SH3GL2: variants seen among roughly 807,000 people sequenced by gnomAD.
SH3GL2 encodes endophilin-A1.
A neutral mutation model predicts 46.0 loss-of-function variants in SH3GL2; 24 were observed. The observed-to-expected ratio is 0.52, with a 90% CI of 0.38 to 0.73. The LOEUF (loss-of-function observed/expected upper bound fraction) is 0.73, where lower values mean the gene tolerates loss of function less well. Ranked by LOEUF, SH3GL2 falls within the 30% of genes least tolerant of loss-of-function variation. The pLI, the probability that SH3GL2 is intolerant of heterozygous loss-of-function variation, is 0.00. For synonymous variants in SH3GL2, 196 were observed against 147.1 expected (o/e 1.33, Z -2.40); for missense variants, 413 against 424.2 (o/e 0.97, Z 0.23).
intron 1 of SH3GL2, among the ~76,000 whole-genome samples, chr9:17,699,436 A>C (rs899184358): frequency 6.6e-6 from 1 of 152,128 alleles, no homozygotes; most frequent in African/African-American, 2.4e-5. Flanking sequence ...CTCCAGGGAT[A>C]TTCTCTCCTG....
chr9:17,731,629 A>C (rs1473274643), intron 1 of SH3GL2, among the ~76,000 whole-genome samples: 1 of 152,158 alleles, frequency 6.6e-6, no homozygotes, highest in African/African-American at 2.4e-5. Flanking sequence ...AACCACAAGA[A>C]GGTAAAATTC....
intron 1 of SH3GL2, among the ~76,000 whole-genome samples, chr9:17,702,703 C>T (rs1027987653): frequency 2.0e-5 from 3 of 151,936 alleles, no homozygotes; most frequent in Admixed American, 6.6e-5. Flanking sequence ...TAGTGATTCC[C>T]TAATATTCAT....
At chr9:17,712,805 G>A (rs1821661728) in intron 1 of SH3GL2, among the ~76,000 whole-genome samples, 1 of 151,548 alleles carries the variant, frequency 6.6e-6, no homozygotes, top group Admixed American at 6.6e-5. Context: ...TAATCAATCT[G>A]TTGGTCTATC....
At chr9:17,756,103 A>C (rs572656205) in intron 2 of SH3GL2, among the ~76,000 whole-genome samples, 68 of 152,174 alleles carry the variant, frequency 4.5e-4, no homozygotes, top group Non-Finnish European at 6.6e-4. Flanking sequence ...GCGTCCATTG[A>C]CAGCGTTTAA....
At chr9:17,659,397 G>T (rs1448239909) in intron 1 of SH3GL2, among the ~76,000 whole-genome samples, 1 of 152,116 alleles carries the variant, frequency 6.6e-6, no homozygotes, top group African/African-American at 2.4e-5. Context: ...CATTCTATGA[G>T]CCAGTGTCAT....
rs1588152752 is a variant in SH3GL2 at position 17,579,211 on chromosome 9, G to T, written c.-32G>T. 5 of 1,520,274 alleles carry T rather than the reference G, an allele frequency of 3.3e-6. No homozygotes were observed. In the African/African-American group the frequency reaches 5.8e-5, roughly 18 times the overall value. The allele number at this position is 1,520,274 out of a possible 1,614,324, so 94.2% of individuals were successfully genotyped here. ...AGTCCCCCTCCGCCTCCTCCCTCCC[G>T]CACAGCAGCCGCCAGCGCGGCCTCC... On this transcript the variant is annotated 5_prime_UTR_variant, in exon 1 of 9. Coordinates refer to ENST00000380607, the MANE Select transcript of SH3GL2 (RefSeq NM_003026.5).
chr9:17,585,463 G>A (rs1588156224), intron 1 of SH3GL2, among the ~76,000 whole-genome samples: 1 of 152,160 alleles, frequency 6.6e-6, no homozygotes, highest in Non-Finnish European at 1.5e-5. Flanking sequence ...TCAGTGAGGT[G>A]TAGCCACAAG....
At chr9:17,786,619 T>C (rs1823965237) in intron 4 of SH3GL2, 95 bp downstream of exon 4, 1 of 1,375,820 alleles carries the variant, frequency 7.3e-7, no homozygotes, top group Non-Finnish European at 1.0e-6. Flanking sequence ...CAAATCATTT[T>C]ATATTTTGGT....
At chr9:17,793,914 G>C (rs1345062729) in intron 8 of SH3GL2, among the ~76,000 whole-genome samples, 1 of 152,202 alleles carries the variant, frequency 6.6e-6, no homozygotes, top group Non-Finnish European at 1.5e-5. Flanking sequence ...ACATGCATTC[G>C]CATATAACCC....
chr9:17,593,391 C>T (rs1818519434), intron 1 of SH3GL2, among the ~76,000 whole-genome samples: 1 of 151,602 alleles, frequency 6.6e-6, no homozygotes, highest in South Asian at 2.1e-4. Flanking sequence ...GGACACCCAG[C>T]TGGTGTCCAG....
chr9:17,646,772 G>C (rs1000925171), intron 1 of SH3GL2, among the ~76,000 whole-genome samples: 2 of 152,186 alleles, frequency 1.3e-5, no homozygotes, highest in Non-Finnish European at 2.9e-5. Flanking sequence ...GCAACTGCCA[G>C]ATGCCAGCCA....
chr9:17,788,178 C>G (rs944106082), intron 5 of SH3GL2, among the ~76,000 whole-genome samples: 31 of 152,190 alleles, frequency 2.0e-4, no homozygotes, highest in African/African-American at 7.5e-4. Context: ...ATAACTTGAA[C>G]TAGGGCCTCC....
intron 1 of SH3GL2, among the ~76,000 whole-genome samples, chr9:17,680,077 GGTCT>G (rs1248482089): frequency 6.6e-6 from 1 of 152,114 alleles, no homozygotes; most frequent in Non-Finnish European, 1.5e-5. Context: ...CAGGGATATT[GGTCT>G]AAAATTCTCT....
At chr9:17,775,692 G>A (rs1588324924) in intron 3 of SH3GL2, among the ~76,000 whole-genome samples, 1 of 152,192 alleles carries the variant, frequency 6.6e-6, no homozygotes, top group Non-Finnish European at 1.5e-5. Context: ...GGATGACAAA[G>A]GAATTAGGTC....
intron 1 of SH3GL2, among the ~76,000 whole-genome samples, chr9:17,627,119 G>A (rs1482476006): frequency 6.6e-6 from 1 of 152,224 alleles, no homozygotes. Context: ...TGGGACTGCC[G>A]GTAAAAACTG....
intron 1 of SH3GL2, among the ~76,000 whole-genome samples, chr9:17,601,734 A>G (rs1588165804): frequency 6.6e-6 from 1 of 152,300 alleles, no homozygotes; most frequent in Non-Finnish European, 1.5e-5. Flanking sequence ...AATAGAGCTG[A>G]AGTACGTTTT....
intron 3 of SH3GL2, among the ~76,000 whole-genome samples, chr9:17,772,383 C>G (rs531594816): frequency 6.6e-6 from 1 of 152,138 alleles, no homozygotes; most frequent in East Asian, 1.9e-4. Context: ...TTTAAGTATA[C>G]ATTTCACTGG....
In SH3GL2 at chr9:17,786,545, T is replaced by C. The variant is rs113275157; in HGVS notation, c.331+21T>C. 1,104 of 1,609,768 alleles carry C rather than the reference T, an allele frequency of 6.9e-4. 15 individuals carry two copies. In the African/African-American group the frequency reaches 0.012, roughly 18 times the overall value. On this transcript the variant is annotated intron_variant, in intron 4 of 8. Coordinates refer to ENST00000380607, the MANE Select transcript of SH3GL2 (RefSeq NM_003026.5). ...CTTTGGTAACAAGTGCTTCCTCACA[T>C]TGTAATTCTTTCATTTGTCCATGGG...
intron 1 of SH3GL2, among the ~76,000 whole-genome samples, chr9:17,699,172 AAAAATC>A (rs1821282522): frequency 1.3e-5 from 2 of 150,256 alleles, no homozygotes; most frequent in Non-Finnish European, 2.9e-5. Flanking sequence ...AAAAAAAAAA[AAAAATC>A]AAATACAGAA....
Sources: allele counts gnomAD v4.1 joint callset (sites outside exome capture counted in the v4.1 genomes callset), GRCh38; gene constraint gnomAD v4.1.1; transcripts MANE v1.5; gene names NCBI Gene and HGNC (gene_info 2026-07-23, HGNC 2026-07-21).